Variants in DAB1 observed in about 807,000 individuals in gnomAD.
DAB1 encodes the protein disabled homolog 1.
A neutral mutation model predicts 64.6 loss-of-function variants in DAB1; 15 were observed. The observed-to-expected ratio is 0.23, with a 90% CI of 0.16 to 0.36. DAB1 has a LOEUF of 0.36. DAB1 is among the 10% of genes least tolerant of loss of function. The pLI, the probability that DAB1 is intolerant of heterozygous loss-of-function variation, is 1.00. For synonymous variants in DAB1, 235 were observed against 251.9 expected (o/e 0.93, Z 0.64); for missense variants, 596 against 706.7 (o/e 0.84, Z 1.78).
chr1:57,512,751 AC>A (rs1644419365), intron 7 of DAB1, among the ~76,000 whole-genome samples: 1 of 152,178 alleles, frequency 6.6e-6, no homozygotes, highest in Non-Finnish European at 1.5e-5. Context: ...CATTGCCTGG[AC>A]CCCAGCTTTT....
At chr1:57,417,524 T>C (rs757162942) in intron 1 of DAB1, among the ~76,000 whole-genome samples, 5 of 152,148 alleles carry the variant, frequency 3.3e-5, no homozygotes, top group African/African-American at 4.8e-5. Flanking sequence ...AAATCAAAGG[T>C]TCTATGGCAA....
chr1:57,672,479 C>G (rs1275046469), intron 6 of DAB1, among the ~76,000 whole-genome samples: 4 of 152,082 alleles, frequency 2.6e-5, no homozygotes, highest in Non-Finnish European at 4.4e-5. Context: ...CTTCTGCTTT[C>G]TAGTGGGGTC....
chr1:57,982,957 C>T (rs1570157468), intron 5 of DAB1, among the ~76,000 whole-genome samples: 1 of 152,118 alleles, frequency 6.6e-6, no homozygotes, highest in Non-Finnish European at 1.5e-5. Context: ...AAAGAGAAAA[C>T]GAAGGCTCAG....
intron 5 of DAB1, among the ~76,000 whole-genome samples, chr1:58,120,355 A>G (rs1652662947): frequency 1.3e-5 from 2 of 152,178 alleles, no homozygotes; most frequent in South Asian, 4.1e-4. Context: ...TTGTATACAA[A>G]TGTAGTCATC....
intron 7 of DAB1, among the ~76,000 whole-genome samples, chr1:57,479,461 A>G (rs1298761702): frequency 6.7e-6 from 1 of 149,154 alleles, no homozygotes; most frequent in Non-Finnish European, 1.5e-5. Flanking sequence ...TATTTTATAT[A>G]TATAAAAATA....
intron 2 of DAB1, among the ~76,000 whole-genome samples, chr1:57,227,949 C>T (rs981377347): frequency 3.3e-5 from 5 of 152,282 alleles, no homozygotes; most frequent in Middle Eastern, 3.4e-3. Flanking sequence ...GTAAACATAT[C>T]TAATGGTGAA....
chr1:58,082,409 A>G (rs1650049016), intron 5 of DAB1, among the ~76,000 whole-genome samples: 1 of 145,174 alleles, frequency 6.9e-6, no homozygotes, highest in Admixed American at 6.8e-5. Context: ...ATTCTAGGAA[A>G]GCCAAAACTT....
At chr1:58,414,094 C>G (rs1029937611) in intron 3 of DAB1, among the ~76,000 whole-genome samples, 3 of 152,176 alleles carry the variant, frequency 2.0e-5, no homozygotes, top group Non-Finnish European at 4.4e-5. Flanking sequence ...AGGAAAAGCA[C>G]AGCAAAAATA....
At chr1:57,076,055 A>T (rs995767140) in intron 4 of DAB1, among the ~76,000 whole-genome samples, 1 of 152,230 alleles carries the variant, frequency 6.6e-6, no homozygotes, top group South Asian at 2.1e-4. Context: ...AAAGGTCAAG[A>T]CAGCATGGCC....
intron 5 of DAB1, among the ~76,000 whole-genome samples, chr1:58,105,061 T>A (rs1205351838): frequency 6.6e-6 from 1 of 152,192 alleles, no homozygotes; most frequent in African/African-American, 2.4e-5. Flanking sequence ...CCCTTTCTGT[T>A]TGATAAAGTC....
intron 5 of DAB1, among the ~76,000 whole-genome samples, chr1:58,034,988 A>G (rs1355313553): frequency 6.6e-6 from 1 of 152,180 alleles, no homozygotes; most frequent in Non-Finnish European, 1.5e-5. Flanking sequence ...GACCAATAGA[A>G]TGTAGCAGAA....
intron 2 of DAB1, among the ~76,000 whole-genome samples, chr1:57,265,727 T>C (rs889104286): frequency 6.6e-6 from 1 of 152,158 alleles, no homozygotes; most frequent in Non-Finnish European, 1.5e-5. Flanking sequence ...CCAATATAAA[T>C]AGATCTATAC....
chr1:57,242,473 C>G (rs1205138227), intron 2 of DAB1, among the ~76,000 whole-genome samples: 1 of 152,140 alleles, frequency 6.6e-6, no homozygotes, highest in East Asian at 1.9e-4. Context: ...GTGATCATAA[C>G]ACGTGGTCGA....
intron 6 of DAB1, among the ~76,000 whole-genome samples, chr1:57,692,870 G>A (rs146797896): frequency 0.011 from 1,644 of 152,148 alleles, 33 homozygotes; most frequent in African/African-American, 0.038. Flanking sequence ...GATGCTACCC[G>A]GCATTTACAG....
chr1:58,354,398 C>G (rs777471428), intron 3 of DAB1, among the ~76,000 whole-genome samples: 15 of 152,144 alleles, frequency 9.9e-5, no homozygotes, highest in Non-Finnish European at 1.8e-4. Context: ...GGTGCACCTT[C>G]TCTCGTAGCA....
chr1:57,306,152 G>A (rs368720522), intron 1 of DAB1, among the ~76,000 whole-genome samples: 1 of 152,060 alleles, frequency 6.6e-6, no homozygotes, highest in South Asian at 2.1e-4. Flanking sequence ...AAGTGATAAA[G>A]TATCAAGTCC....
At chr1:58,163,317 G>C (rs1198661277) in intron 4 of DAB1, among the ~76,000 whole-genome samples, 1 of 152,144 alleles carries the variant, frequency 6.6e-6, no homozygotes, top group Non-Finnish European at 1.5e-5. Flanking sequence ...ATGACATGAC[G>C]GTAGATATGG....
chr1:57,479,474 T>TAAAAC (rs2101233374), intron 7 of DAB1, among the ~76,000 whole-genome samples: 1 of 150,020 alleles, frequency 6.7e-6, no homozygotes, highest in East Asian at 1.9e-4. Context: ...TAAAAATATA[T>TAAAAC]AAAACTCTGT....
intron 2 of DAB1, among the ~76,000 whole-genome samples, chr1:57,235,718 A>AAC (rs776006511): frequency 5.9e-5 from 9 of 151,750 alleles, no homozygotes; most frequent in Non-Finnish European, 1.2e-4. Context: ...AAAAAAGAAA[A>AAC]AAAAACAAGC....
Sources: allele counts gnomAD v4.1 joint callset (sites outside exome capture counted in the v4.1 genomes callset), GRCh38; gene constraint gnomAD v4.1.1; transcripts MANE v1.5; gene names NCBI Gene and HGNC (gene_info 2026-07-23, HGNC 2026-07-21).